The following CREBL2 variants were observed in gnomAD, a reference collection of about 807,000 sequenced individuals.
The protein encoded by CREBL2 is cAMP-responsive element-binding protein-like 2.
Under a neutral mutation model 19.5 loss-of-function variants are expected in CREBL2, and 4 were observed. The observed-to-expected ratio is 0.20, with a 90% CI of 0.10 to 0.47. The LOEUF is 0.47. CREBL2 is among the 20% of genes least tolerant of loss of function. The pLI is 0.98. For missense variants in CREBL2, 85 were observed against 145.1 expected, an observed-to-expected ratio of 0.59 and a Z score of 2.13; for synonymous variants, 42 against 46.6, an observed-to-expected ratio of 0.90 and a Z score of 0.40.
rs1300150588 is a variant in CREBL2, at chr12:12,637,637, G to A, written c.281G>A (p.Gly94Glu). The A allele has an allele frequency of 1.2e-5, 19 of 1,613,530 alleles. No individual in the cohort carries two copies. The highest frequency in any genetic ancestry group is 2.7e-5 in the African/African-American group (2 of 74,896). ...IPSEIKALLT[G>E]EEQNKSQQNS... The stretch of plus-strand genomic sequence containing the variant: ...TCTGAAATAAAGGCCCTACTCACTG[G>A]AGAAGAGCAGAACAAATCTCAGCAG... Residue 94 changes from glycine (G) to glutamate (E), a missense_variant, in exon 3 of 4, where the codon GGA becomes GAA. Physicochemically the swap from Gly to Glu is moderately conservative, Grantham distance 98. Transcript: ENST00000228865.
intron 1 of CREBL2, among the ~76,000 whole-genome samples, chr12:12,625,454 G>C (rs1363276969): frequency 6.6e-6 from 1 of 152,202 alleles, no homozygotes; most frequent in Non-Finnish European, 1.5e-5. Flanking sequence ...ATATCAAAGT[G>C]AGTTACATTA....
At chr12:12,613,990 C>CTTTTTTTTTTTTTTTTTTTTTTT (rs57522744) in intron 1 of CREBL2, among the ~76,000 whole-genome samples, 26 of 72,866 alleles carry the variant, frequency 3.6e-4, no homozygotes, top group Non-Finnish European at 4.4e-4. Flanking sequence ...TCTTTTTTTT[C>CTTTTTTTTTTTTTTTTTTTTTTT]TTTTTTTTTT....
At chr12:12,619,681 C>T (rs1292544556) in intron 1 of CREBL2, among the ~76,000 whole-genome samples, 4 of 152,202 alleles carry the variant, frequency 2.6e-5, no homozygotes, top group Non-Finnish European at 5.9e-5. Context: ...GTGTTATTTT[C>T]AGAGGCTTTG....
chr12:12,618,210 C>T (rs1167386383), intron 1 of CREBL2, among the ~76,000 whole-genome samples: 2 of 150,366 alleles, frequency 1.3e-5, no homozygotes, highest in African/African-American at 2.5e-5. Context: ...GGCTGCCGGG[C>T]GGAGACGCTC....
intron 1 of CREBL2, among the ~76,000 whole-genome samples, chr12:12,613,725 C>T (rs540934484): frequency 1.3e-5 from 2 of 152,244 alleles, no homozygotes; most frequent in Non-Finnish European, 2.9e-5. Flanking sequence ...TTAATATGCT[C>T]AGTACACACA....
intron 1 of CREBL2, among the ~76,000 whole-genome samples, chr12:12,635,369 G>GAA (rs542994272): frequency 1.1e-4 from 13 of 116,134 alleles, no homozygotes; most frequent in Non-Finnish European, 9.2e-5. Context: ...ACCCTGTCTG[G>GAA]AAAAAAAAAA....
At chr12:12,636,050 C>A in intron 2 of CREBL2, 76 bp downstream of exon 2, 1 of 1,297,064 alleles carries the variant, frequency 7.7e-7, no homozygotes, top group Non-Finnish European at 1.1e-6. Context: ...TACGAAAATA[C>A]CAGTTATCAC....
chr12:12,622,086 C>G (rs1945364110), intron 1 of CREBL2, among the ~76,000 whole-genome samples: 1 of 152,168 alleles, frequency 6.6e-6, no homozygotes. Flanking sequence ...TCAGATATTA[C>G]TTTCTTCAGA....
chr12:12,632,313 G>T (rs1397749415), intron 1 of CREBL2, among the ~76,000 whole-genome samples: 1 of 151,684 alleles, frequency 6.6e-6, no homozygotes, highest in South Asian at 2.1e-4. Context: ...TCCTGACCTC[G>T]TGATCCGCCC....
intron 3 of CREBL2, among the ~76,000 whole-genome samples, chr12:12,638,411 T>C (rs1269566285): frequency 3.3e-5 from 5 of 152,100 alleles, no homozygotes. Context: ...CACTCCAGCC[T>C]GGGCGACAGA....
rs1945528177 is a variant in CREBL2, at chr12:12,642,202, A to G, written c.*204A>G. On this transcript the variant is annotated 3_prime_UTR_variant, in exon 4 of 4. Transcript: ENST00000228865. The stretch of plus-strand genomic sequence containing the variant: ...TTCAACACTTAGAAAATCTACAAAC[A>G]TTCAGACCTGTCTGGGTTGGTATTG... 7.3e-6 allele frequency: 3 copies of G among 408,938 alleles called. No individual in the cohort carries two copies. Among genetic ancestry groups the G allele is most frequent in the Non-Finnish European group, 1.3e-5 (3 of 228,774 alleles). 25.3% of individuals were successfully genotyped at this position (408,938 alleles called of 1,614,324 possible). A position where few individuals can be genotyped will look rare whatever the true frequency, so the allele number is the denominator to read the frequency against.
At chr12:12,624,036 T>A (rs1486729980) in intron 1 of CREBL2, among the ~76,000 whole-genome samples, 4 of 152,176 alleles carry the variant, frequency 2.6e-5, no homozygotes, top group Non-Finnish European at 5.9e-5. Context: ...TCCACCAGAC[T>A]GCCCCAGTCT....
chr12:12,630,616 T>C (rs1945436343), intron 1 of CREBL2, among the ~76,000 whole-genome samples: 1 of 152,198 alleles, frequency 6.6e-6, no homozygotes, highest in African/African-American at 2.4e-5. Flanking sequence ...CTACTATTTA[T>C]CATTACATTC....
intron 1 of CREBL2, among the ~76,000 whole-genome samples, chr12:12,612,975 G>A (rs1196016591): frequency 6.6e-6 from 1 of 152,106 alleles, no homozygotes; most frequent in Non-Finnish European, 1.5e-5. Flanking sequence ...GGGTTCAAGC[G>A]ATTCTCCTGC....
intron 1 of CREBL2, among the ~76,000 whole-genome samples, chr12:12,618,451 G>C (rs545518447): frequency 2.4e-4 from 37 of 151,114 alleles, no homozygotes; most frequent in Middle Eastern, 6.9e-3. Context: ...GGGCAGAGGC[G>C]CTCCCCACAT....
chr12:12,620,225 T>G (rs1307206780), intron 1 of CREBL2, among the ~76,000 whole-genome samples: 10 of 128,080 alleles, frequency 7.8e-5, no homozygotes, highest in Non-Finnish European at 1.0e-4. Context: ...GTGCTTGCTT[T>G]CTTTTCTTTT....
intron 1 of CREBL2, among the ~76,000 whole-genome samples, chr12:12,620,724 T>G (rs1449315890): frequency 2.0e-5 from 3 of 152,244 alleles, no homozygotes; most frequent in Non-Finnish European, 2.9e-5. Flanking sequence ...TCAGAAAAGT[T>G]TATTTATTAA....
At chr12:12,634,090 T>A (rs1243254204) in intron 1 of CREBL2, among the ~76,000 whole-genome samples, 1 of 152,248 alleles carries the variant, frequency 6.6e-6, no homozygotes, top group Non-Finnish European at 1.5e-5. Context: ...TAACATATTG[T>A]GTTATGCCTT....
At chr12:12,641,952 G>A (rs1263020157) in intron 3 of CREBL2, 42 bp from the exon 4 acceptor site, 2 of 1,421,466 alleles carry the variant, frequency 1.4e-6, no homozygotes, top group Admixed American at 1.9e-5. Context: ...AAACTTTATT[G>A]ACTCTAAAAA....
Sources: allele counts gnomAD v4.1 joint callset (sites outside exome capture counted in the v4.1 genomes callset), GRCh38; gene constraint gnomAD v4.1.1; transcripts MANE v1.5; gene names NCBI Gene and HGNC (gene_info 2026-07-23, HGNC 2026-07-21).